The following CDKAL1 variants were observed in gnomAD, a reference collection of about 807,000 sequenced individuals.
CDKAL1 encodes the protein CDKAL1 threonylcarbamoyladenosine tRNA methylthiotransferase.
CDKAL1 carries 32 observed loss-of-function variants against 68.2 expected under a neutral mutation model. That is an observed-to-expected ratio of 0.47 (90% CI 0.35 to 0.63). CDKAL1 has a LOEUF of 0.63. Ranked by LOEUF, CDKAL1 falls within the 30% of genes least tolerant of loss-of-function variation. The pLI is 0.00. For missense variants in CDKAL1, 606 were observed against 696.7 expected (o/e 0.87, Z 1.47); for synonymous variants, 234 against 244.3 (o/e 0.96, Z 0.39).
chr6:20,665,668 T>C (rs1769501010), intron 5 of CDKAL1, among the ~76,000 whole-genome samples: 1 of 125,272 alleles, frequency 8.0e-6, no homozygotes, highest in Admixed American at 7.4e-5. Flanking sequence ...GATAAGTTCT[T>C]GGAAACTATA....
chr6:20,797,143 T>C (rs1776141094), intron 8 of CDKAL1, among the ~76,000 whole-genome samples: 1 of 152,172 alleles, frequency 6.6e-6, no homozygotes, highest in African/African-American at 2.4e-5. Context: ...ATAGGACTTG[T>C]ATCCAGAATA....
chr6:21,192,771 C>T (rs942950214), intron 13 of CDKAL1, among the ~76,000 whole-genome samples: 1 of 146,054 alleles, frequency 6.8e-6, no homozygotes, highest in Admixed American at 6.8e-5. Context: ...AAAAGGACAT[C>T]TTTCTTAGGA....
At chr6:20,815,029 C>T (rs12661606) in intron 8 of CDKAL1, among the ~76,000 whole-genome samples, 43,727 of 152,132 alleles carry the variant, frequency 0.29, 6,785 homozygotes, top group East Asian at 0.53. Context: ...TCAGTTATCA[C>T]TGTTTTGCAC....
chr6:21,199,863 T>A lies in CDKAL1; in HGVS notation c.1384-1247T>A, dbSNP rs185237325. Among the ~76,000 whole-genome samples, 474 of 152,366 alleles carry A rather than the reference T, an allele frequency of 3.1e-3. 1 individual carries two copies. Among genetic ancestry groups the A allele is most frequent in the Non-Finnish European group, 4.7e-3 (318 of 68,042 alleles). Reference sequence around the variant, plus strand: ...AGTAATTCACCACCCAGGTGACCTTTTTCTTCTACTTTGATGAAGCAGTGT... The same window carrying A: ...AGTAATTCACCACCCAGGTGACCTTATTCTTCTACTTTGATGAAGCAGTGT... On this transcript the variant is annotated intron_variant, in intron 14 of 15. Transcript: ENST00000274695.
intron 9 of CDKAL1, among the ~76,000 whole-genome samples, chr6:20,892,774 G>T (rs1456730958): frequency 6.6e-6 from 1 of 152,262 alleles, no homozygotes; most frequent in East Asian, 1.9e-4. Flanking sequence ...TTTTGTTGCA[G>T]TATTTTCTGA....
At chr6:20,613,576 C>T (rs1322142251) in intron 4 of CDKAL1, among the ~76,000 whole-genome samples, 2 of 149,892 alleles carry the variant, frequency 1.3e-5, no homozygotes, top group South Asian at 2.1e-4. Context: ...TGCCTGGCTG[C>T]GACAAAGTTT....
intron 4 of CDKAL1, among the ~76,000 whole-genome samples, chr6:20,604,980 GTGGTTCTATGAGATTGGAAGATGGGGC>G (rs1479624179): frequency 6.6e-6 from 1 of 152,196 alleles, no homozygotes; most frequent in Non-Finnish European, 1.5e-5. Context: ...GGATACAACA[GTGGTTCTATGAGATTGGAAGATGGGGC>G]TGCTTCTTGG....
Position 21,200,982 on chromosome 6 carries a change from A to G in CDKAL1, c.1384-128A>G, listed in dbSNP as rs1270131752. ...TACTAATGTAAGACGGTAAATAATA[A>G]GAAAACTGGGAGTTAGGTATACAGG... On this transcript the variant is annotated intron_variant, in intron 14 of 15. Transcript: ENST00000274695. 9.4e-6 allele frequency: 7 copies of G among 742,546 alleles called. No homozygotes were observed. The African/African-American group carries it at 1.1e-4, about 11-fold the overall frequency. The allele number at this position is 742,546 out of a possible 1,614,324, so 46.0% of individuals were successfully genotyped here. A position where few individuals can be genotyped will look rare whatever the true frequency, so the allele number is the denominator to read the frequency against.
chr6:20,901,891 C>T (rs980390198), intron 9 of CDKAL1, among the ~76,000 whole-genome samples: 2 of 151,816 alleles, frequency 1.3e-5, no homozygotes, highest in African/African-American at 4.8e-5. Context: ...ATTTTCATGC[C>T]TCAGCCTCCT....
At chr6:20,885,843 A>T (rs977183302) in intron 9 of CDKAL1, among the ~76,000 whole-genome samples, 1 of 152,164 alleles carries the variant, frequency 6.6e-6, no homozygotes, top group Non-Finnish European at 1.5e-5. Flanking sequence ...GCACTTTGGG[A>T]GGCCGAGGTG....
At chr6:21,197,152 T>A (rs915056944) in intron 13 of CDKAL1, among the ~76,000 whole-genome samples, 2 of 150,882 alleles carry the variant, frequency 1.3e-5, no homozygotes, top group Admixed American at 1.3e-4. Flanking sequence ...AGTGAGACTC[T>A]GTCTCAAAAA....
chr6:20,869,550 G>A (rs1379329526), intron 9 of CDKAL1, among the ~76,000 whole-genome samples: 2 of 152,070 alleles, frequency 1.3e-5, no homozygotes, highest in South Asian at 2.1e-4. Flanking sequence ...TGGTTGCCCA[G>A]CAGTATAAAC....
chr6:20,809,983 T>C (rs9348446), intron 8 of CDKAL1, among the ~76,000 whole-genome samples: 43,296 of 151,912 alleles, frequency 0.29, 7,278 homozygotes, highest in East Asian at 0.37. Context: ...GGTTTAAAGA[T>C]AGATGAAGAC....
At position 20,774,448 on chromosome 6, in the gene CDKAL1, GT is replaced by G. The variant is rs564177566; in HGVS notation, c.518-6696del. Among the ~76,000 whole-genome samples, 57 of 152,234 alleles carry G rather than the reference GT, an allele frequency of 3.7e-4. No homozygotes were observed. In the East Asian group the frequency reaches 0.011, roughly 29 times the overall value. On this transcript the variant is annotated intron_variant, in intron 7 of 15. Coordinates refer to ENST00000274695, the MANE Select transcript of CDKAL1 (RefSeq NM_017774.3). ...TCGGGGAGGTGGTTCTTTTCTATTT[GT>G]GAGTGACCTTTATGATTGGCTTCCT... is the stretch of plus-strand genomic sequence containing the variant.
intron 13 of CDKAL1, among the ~76,000 whole-genome samples, chr6:21,176,686 TTTTTTTTTTG>T (rs1054902564): frequency 3.6e-5 from 5 of 137,248 alleles, no homozygotes; most frequent in Non-Finnish European, 3.2e-5. Context: ...ATGTTGGTTT[TTTTTTTTTTG>T]TTTTTTTTTT....
chr6:21,195,805 C>T (rs1292505084), intron 13 of CDKAL1, among the ~76,000 whole-genome samples: 1 of 151,942 alleles, frequency 6.6e-6, no homozygotes, highest in Non-Finnish European at 1.5e-5. Context: ...CCACCGGGCC[C>T]GGCCACTCTG....
chr6:21,110,246 C>T, intron 13 of CDKAL1, among the ~76,000 whole-genome samples: 1 of 152,104 alleles, frequency 6.6e-6, no homozygotes, highest in Non-Finnish European at 1.5e-5. Context: ...AGTTTTATTC[C>T]AGGCAGCTCC....
chr6:20,709,308 T>A (rs1311218857), intron 5 of CDKAL1, among the ~76,000 whole-genome samples: 1 of 152,138 alleles, frequency 6.6e-6, no homozygotes, highest in Non-Finnish European at 1.5e-5. Context: ...TAAGATTTTT[T>A]TTTTAATAGA....
intron 10 of CDKAL1, among the ~76,000 whole-genome samples, chr6:20,979,126 A>G (rs1765982699): frequency 6.6e-6 from 1 of 152,226 alleles, no homozygotes; most frequent in Non-Finnish European, 1.5e-5. Context: ...TAAACAATCT[A>G]GAGTTGAGGT....
Sources: allele counts gnomAD v4.1 joint callset (sites outside exome capture counted in the v4.1 genomes callset), GRCh38; gene constraint gnomAD v4.1.1; transcripts MANE v1.5; gene names NCBI Gene and HGNC (gene_info 2026-07-23, HGNC 2026-07-21).